SNX25: variants seen among roughly 807,000 people sequenced by gnomAD.
SNX25 encodes the protein sorting nexin 25.
Under a neutral mutation model 113.7 loss-of-function variants are expected in SNX25, and 62 were observed. The ratio of observed to expected loss-of-function variants is 0.55; its 90% CI spans 0.44 to 0.67. The LOEUF (loss-of-function observed/expected upper bound fraction) is 0.67, where lower values mean the gene tolerates loss of function less well. Among genes scored for constraint, SNX25 ranks in the 30% least tolerant of loss-of-function variants. The probability of loss-of-function intolerance (pLI) is 0.00; values close to 1 mark genes in which losing one functional copy is unlikely to be tolerated. For missense variants in SNX25, 1,014 were observed against 1,161.0 expected (o/e 0.87, Z 1.84); for synonymous variants, 421 against 436.2 (o/e 0.97, Z 0.43).
intron 5 of SNX25, among the ~76,000 whole-genome samples, chr4:185,272,334 T>C (rs1749053773): frequency 6.6e-6 from 1 of 152,136 alleles, no homozygotes; most frequent in Non-Finnish European, 1.5e-5. Context: ...ATAGACTGAG[T>C]GTTCCCTTGT....
chr4:185,215,948 C>A (rs111645866), intron 1 of SNX25, among the ~76,000 whole-genome samples: 15,673 of 151,936 alleles, frequency 0.1, 881 homozygotes, highest in Non-Finnish European at 0.13. Flanking sequence ...AGGTGTGCAC[C>A]ACTACACCCA....
chr4:185,331,599 G>A (rs1461063965), intron 9 of SNX25, among the ~76,000 whole-genome samples: 1 of 152,086 alleles, frequency 6.6e-6, no homozygotes, highest in Non-Finnish European at 1.5e-5. Flanking sequence ...TGGCCAACAT[G>A]GTGAAACCCT....
At chr4:185,284,464 C>A (rs1362562323) in intron 5 of SNX25, among the ~76,000 whole-genome samples, 1 of 152,054 alleles carries the variant, frequency 6.6e-6, no homozygotes, top group Non-Finnish European at 1.5e-5. Flanking sequence ...TATGTAAGAT[C>A]TAGGTAGGTG....
chr4:185,204,333 C>A (rs11132292), exon 1 of SNX25: 70,487 of 152,070 alleles, frequency 0.46, 16,781 homozygotes, highest in East Asian at 0.58. Context: ...CTCTACCAAA[C>A]CAAGAATAAA....
intron 1 of SNX25, among the ~76,000 whole-genome samples, chr4:185,221,940 A>G (rs1739932827): frequency 6.6e-6 from 1 of 152,108 alleles, no homozygotes; most frequent in African/African-American, 2.4e-5. Flanking sequence ...CTGTAGATAT[A>G]TAGCACCATA....
At chr4:185,325,489 T>G (rs574154018) in intron 9 of SNX25, among the ~76,000 whole-genome samples, 1 of 136,442 alleles carries the variant, frequency 7.3e-6, no homozygotes, top group East Asian at 2.2e-4. Flanking sequence ...GCCAAGATCG[T>G]GCCACTGCAC....
At chr4:185,255,139 T>C (rs1409139174) in intron 2 of SNX25, among the ~76,000 whole-genome samples, 1 of 152,014 alleles carries the variant, frequency 6.6e-6, no homozygotes, top group Non-Finnish European at 1.5e-5. Flanking sequence ...TTTTCTTCTT[T>C]ATTTTTTTTT....
At chr4:185,267,233 A>T in intron 5 of SNX25, 78 bp downstream of exon 5, 1 of 1,257,262 alleles carries the variant, frequency 8.0e-7, no homozygotes, top group Non-Finnish European at 1.1e-6. Context: ...AAAAAAAAAA[A>T]GTAGTTGTCA....
chr4:185,331,511 T>C (rs760291002), intron 9 of SNX25, among the ~76,000 whole-genome samples: 27 of 152,356 alleles, frequency 1.8e-4, no homozygotes, highest in East Asian at 1.3e-3. Flanking sequence ...CCGGGCACAG[T>C]GGCTCACATC....
intron 5 of SNX25, among the ~76,000 whole-genome samples, chr4:185,285,696 G>A (rs928065698): frequency 2.0e-5 from 3 of 152,140 alleles, no homozygotes; most frequent in East Asian, 1.9e-4. Flanking sequence ...GTAGTTAGGG[G>A]CTGTTTTGAT....
chr4:185,216,136 G>A (rs1440543551), intron 1 of SNX25, among the ~76,000 whole-genome samples: 1 of 152,028 alleles, frequency 6.6e-6, no homozygotes, highest in East Asian at 1.9e-4. Context: ...TCCATAGGTT[G>A]CACAATCATA....
intron 2 of SNX25, among the ~76,000 whole-genome samples, chr4:185,254,865 C>T (rs1005985592): frequency 6.6e-6 from 1 of 151,786 alleles, no homozygotes. Context: ...ATTTTTTTGC[C>T]TGGTAGTGAG....
downstream of SNX25, chr4:185,371,055 G>C: frequency 2.5e-6 from 1 of 396,094 alleles, no homozygotes; most frequent in Non-Finnish European, 4.6e-6. Context: ...AATAACCACT[G>C]GAAAACAAAG....
intron 1 of SNX25, among the ~76,000 whole-genome samples, chr4:185,222,652 A>G (rs1356815823): frequency 6.6e-6 from 1 of 152,208 alleles, no homozygotes; most frequent in Non-Finnish European, 1.5e-5. Context: ...TTCATTAGTT[A>G]TTGAACTCCA....
intron 6 of SNX25, among the ~76,000 whole-genome samples, chr4:185,296,666 G>T (rs1281325292): frequency 6.6e-6 from 1 of 152,082 alleles, no homozygotes; most frequent in African/African-American, 2.4e-5. Flanking sequence ...GCTAAGTCAG[G>T]TCTTTGTCCT....
rs1475506709 is a variant in SNX25 at position 185,241,488 on chromosome 4, G to A, written c.430-5806G>A. ...GTGGAAAGAGAGGGAGAGGGAGACT[G>A]TGGGGAGAGGGAGACCGTGGGGAGA... On this transcript the variant is annotated intron_variant, in intron 1 of 18. Coordinates refer to ENST00000652585, the MANE Select transcript of SNX25 (RefSeq NM_001378034.2). Among the ~76,000 whole-genome samples, 3 of 111,710 alleles carry A rather than the reference G, an allele frequency of 2.7e-5. 1 individual carries two copies. Among genetic ancestry groups the A allele is most frequent in the Non-Finnish European group, 4.1e-5 (2 of 48,576 alleles). The allele number at this position is 111,710 out of a possible 152,430, so 73.3% of individuals were successfully genotyped here.
At chr4:185,279,983 C>T (rs537655907) in intron 5 of SNX25, among the ~76,000 whole-genome samples, 54 of 152,080 alleles carry the variant, frequency 3.6e-4, no homozygotes, top group African/African-American at 1.1e-3. Flanking sequence ...TGCAGTGGCG[C>T]GATCACAGCT....
chr4:185,224,873 T>C (rs1382191518), intron 1 of SNX25, among the ~76,000 whole-genome samples: 1 of 151,668 alleles, frequency 6.6e-6, no homozygotes, highest in African/African-American at 2.4e-5. Flanking sequence ...TGTTTCAGGC[T>C]CATTTTGAAT....
chr4:185,363,497 T>C lies in SNX25; in HGVS notation c.*32T>C. On this transcript the variant is annotated 3_prime_UTR_variant, in exon 19 of 19. Transcript: ENST00000652585. The surrounding 1 kb of genome is among the most constrained non-coding windows in gnomAD (Gnocchi z 4.2). Reference sequence around the variant, plus strand: ...ACAAATAAACCACCAGAAAAATGTCTGTGTAATAATAGACATGAAACATTT... The same window carrying C: ...ACAAATAAACCACCAGAAAAATGTCCGTGTAATAATAGACATGAAACATTT... The C allele has an allele frequency of 1.3e-6, 2 of 1,593,510 alleles. No individual in the cohort carries two copies. The highest frequency in any genetic ancestry group is 1.7e-6 in the Non-Finnish European group (2 of 1,161,484).
Sources: gnomAD v4.1 joint callset for allele counts (sites outside exome capture counted in the v4.1 genomes callset) on GRCh38, gnomAD v4.1.1 for gene constraint, Gnocchi (gnomAD v3.1) non-coding constraint, MANE v1.5 for transcripts, NCBI Gene and HGNC (gene_info 2026-07-23, HGNC 2026-07-21) for gene names.